SBNO1: variants seen among roughly 807,000 people sequenced by gnomAD.
SBNO1 encodes the protein strawberry notch homolog 1.
In SBNO1, 23 loss-of-function variants were observed where a neutral mutation model predicts 173.6. That is an observed-to-expected ratio of 0.13 (90% CI 0.10 to 0.19). SBNO1 has a LOEUF of 0.19. Ranked by LOEUF, SBNO1 falls within the 10% of genes least tolerant of loss-of-function variation. SBNO1 has a pLI of 1.00. For missense variants in SBNO1, 1,238 were observed against 1,671.2 expected, an observed-to-expected ratio of 0.74 and a Z score of 4.52; for synonymous variants, 632 against 571.5, an observed-to-expected ratio of 1.11 and a Z score of -1.51.
chr12:123,292,916 A>C lies in SBNO1; in HGVS notation c.*2992T>G, dbSNP rs1032359147. On this transcript the variant is annotated 3_prime_UTR_variant, in exon 32 of 32. Transcript: ENST00000602398. ...TGTATCATTGATAGTGTATCTGGAT[A>C]ATCCCAGTAACTACAGACAGAGACC... 1.5e-4 allele frequency: 23 copies of C among 152,226 alleles called. No homozygotes were observed. Among genetic ancestry groups the C allele is most frequent in the African/African-American group, 5.5e-4 (23 of 41,448 alleles). The allele number at this position is 152,226 out of a possible 1,614,324, so 9.4% of individuals were successfully genotyped here. A position where few individuals can be genotyped will look rare whatever the true frequency, so the allele number is the denominator to read the frequency against.
chr12:123,296,136 A>G (rs2048589446), intron 31 of SBNO1, 86 bp from the exon 32 acceptor site: 2 of 816,760 alleles, frequency 2.4e-6, no homozygotes, highest in Non-Finnish European at 4.1e-6. Context: ...ATGAGGCATA[A>G]TATTAAGCGT....
intron 1 of SBNO1, chr12:123,364,425 G>A: frequency 4.1e-6 from 4 of 985,530 alleles, no homozygotes; most frequent in Non-Finnish European, 4.8e-6. Context: ...CGGGACAGCG[G>A]GGCTCCCGGA....
chr12:123,358,491 T>C (rs10734902), intron 1 of SBNO1, among the ~76,000 whole-genome samples: 144,681 of 152,164 alleles, frequency 0.95, 68,917 homozygotes, highest in Non-Finnish European at 0.96. Context: ...CGGTGGCTCA[T>C]GCCTATAATC....
intron 28 of SBNO1, among the ~76,000 whole-genome samples, chr12:123,307,433 A>C (rs2048947776): frequency 6.6e-6 from 1 of 152,202 alleles, no homozygotes. Context: ...AACCATACAT[A>C]TCAGACCTTC....
In SBNO1 at chr12:123,302,691, T is replaced by A. The variant is rs1593325755; in HGVS notation, c.3845+133A>T. 19 of 696,828 alleles carry A rather than the reference T, an allele frequency of 2.7e-5. No individual in the cohort carries two copies. In the East Asian group the frequency reaches 4.7e-4, roughly 17 times the overall value. The allele number at this position is 696,828 out of a possible 1,614,324, so 43.2% of individuals were successfully genotyped here. ...TCTACAACTGTCCAGTAAATATTCCTGATGGAACACACCACGCCTGACAAT... is the reference window on the plus strand; with the variant it reads ...TCTACAACTGTCCAGTAAATATTCCAGATGGAACACACCACGCCTGACAAT... On this transcript the variant is annotated intron_variant, in intron 30 of 31. Coordinates refer to ENST00000602398, the MANE Select transcript of SBNO1 (RefSeq NM_001167856.3).
At chr12:123,349,986 G>C (rs1566052992) in intron 2 of SBNO1, among the ~76,000 whole-genome samples, 1 of 152,108 alleles carries the variant, frequency 6.6e-6, no homozygotes. Flanking sequence ...GGCCAAGCTT[G>C]GCTCGCACCT....
intron 1 of SBNO1, among the ~76,000 whole-genome samples, chr12:123,351,539 A>C (rs1873885638): frequency 6.6e-6 from 1 of 152,178 alleles, no homozygotes; most frequent in Admixed American, 6.5e-5. Flanking sequence ...GCTTAAGCCC[A>C]GGAGTTGGAG....
intron 17 of SBNO1, among the ~76,000 whole-genome samples, chr12:123,321,205 C>T (rs1427417802): frequency 1.3e-5 from 2 of 152,142 alleles, no homozygotes; most frequent in Non-Finnish European, 2.9e-5. Context: ...TCCCAAATTG[C>T]TGGGATTACA....
rs763183936 is a variant in SBNO1, at chr12:123,326,349, T to G, written c.1693-15A>C. 1.2e-5 allele frequency: 19 copies of G among 1,549,542 alleles called. No individual in the cohort carries two copies. The South Asian group carries it at 2.2e-4, about 18-fold the overall frequency. Reference sequence around the variant, plus strand: ...GCGATGACCCACTGAAGATACATAATCAACATTTCAGACACTTCATCTTTG... The same window carrying G: ...GCGATGACCCACTGAAGATACATAAGCAACATTTCAGACACTTCATCTTTG... On this transcript the variant is annotated splice_polypyrimidine_tract_variant and intron_variant, in intron 13 of 31. Transcript: ENST00000602398.
At chr12:123,312,447 C>T (rs1269588672) in intron 24 of SBNO1, among the ~76,000 whole-genome samples, 1 of 152,148 alleles carries the variant, frequency 6.6e-6, no homozygotes, top group African/African-American at 2.4e-5. Context: ...TGCCTTGGCT[C>T]ACATCTGTAA....
intron 20 of SBNO1, among the ~76,000 whole-genome samples, chr12:123,317,749 C>A (rs1869454378): frequency 6.6e-6 from 1 of 152,106 alleles, no homozygotes; most frequent in Non-Finnish European, 1.5e-5. Flanking sequence ...GCATACAAGC[C>A]CTGCTCCACC....
chr12:123,351,167 A>C (rs1873825421), intron 1 of SBNO1, among the ~76,000 whole-genome samples: 1 of 152,078 alleles, frequency 6.6e-6, no homozygotes. Flanking sequence ...TTAATTCAAC[A>C]AGGGTATGGA....
intron 4 of SBNO1, among the ~76,000 whole-genome samples, chr12:123,343,408 G>A (rs1399484190): frequency 6.6e-6 from 1 of 152,068 alleles, no homozygotes; most frequent in African/African-American, 2.4e-5. Flanking sequence ...CAACCACACA[G>A]ATAAGAAGTA....
At chr12:123,364,188 G>C (rs1875796245) in intron 1 of SBNO1, 2 of 985,574 alleles carry the variant, frequency 2.0e-6, no homozygotes, top group African/African-American at 1.7e-5. Flanking sequence ...CGCGCTGTGG[G>C]GTTCAGATTT....
chr12:123,327,784 A>G lies in SBNO1; in HGVS notation c.1461T>C (p.Tyr487=). The G allele has an allele frequency of 1.2e-6, 2 of 1,613,986 alleles. No homozygotes were observed. ...TGASEPRNMA[Y]MNRLGIWGEG... is the part of the protein sequence containing the mutation. ...CACCCCATATGCCAAGACGGTTCAT[A>G]TAGGCCATGTTGCGTGGTTCAGAAG... is the stretch of plus-strand genomic sequence containing the variant. Residue 487 remains tyrosine, a synonymous_variant, in exon 12 of 32, where the codon TAT becomes TAC. Coordinates refer to ENST00000602398, the MANE Select transcript of SBNO1 (RefSeq NM_001167856.3).
chr12:123,364,820 A>T lies in SBNO1; in HGVS notation c.-120T>A. The T allele has an allele frequency of 2.1e-6, 2 of 972,876 alleles. No homozygotes were observed. The highest frequency in any genetic ancestry group is 2.4e-6 in the Non-Finnish European group (2 of 819,590). The allele number at this position is 972,876 out of a possible 1,614,324, so 60.3% of individuals were successfully genotyped here. A position where few individuals can be genotyped will look rare whatever the true frequency, so the allele number is the denominator to read the frequency against. ...GCAGCAGCGGCGTCCTGCTCTGCCT[A>T]CCTCCCCGCCGCCATCTTGACGCCC... On this transcript the variant is annotated 5_prime_UTR_variant, in exon 1 of 32. The change abolishes the stop of an existing upstream ORF in the 5' untranslated region. Coordinates refer to ENST00000602398, the MANE Select transcript of SBNO1 (RefSeq NM_001167856.3).
At chr12:123,360,878 C>A (rs113544203) in intron 1 of SBNO1, among the ~76,000 whole-genome samples, 3,232 of 152,154 alleles carry the variant, frequency 0.021, 43 homozygotes, top group Non-Finnish European at 0.03. Context: ...TTTGGGACGC[C>A]AAGGCAGGCA....
chr12:123,320,053 T>C (rs1869767604), intron 19 of SBNO1, 22 bp from the exon 20 acceptor site: 3 of 1,613,328 alleles, frequency 1.9e-6, no homozygotes, highest in East Asian at 2.2e-5. Context: ...AACAATGTCA[T>C]TACAATGAAG....
At chr12:123,320,159 C>T in intron 19 of SBNO1, 128 bp from the exon 20 acceptor site, 1 of 1,058,920 alleles carries the variant, frequency 9.4e-7, no homozygotes, top group Non-Finnish European at 1.4e-6. Flanking sequence ...CTGAAGGATA[C>T]AGAACACTGC....
Sources: allele counts gnomAD v4.1 joint callset (sites outside exome capture counted in the v4.1 genomes callset), GRCh38; gene constraint gnomAD v4.1.1; transcripts MANE v1.5; gene names NCBI Gene and HGNC (gene_info 2026-07-23, HGNC 2026-07-21).